Variants in NALCN observed in about 807,000 individuals in gnomAD.
NALCN encodes the protein sodium leak channel, non-selective.
In NALCN, 111 loss-of-function variants were observed where a neutral mutation model predicts 225.3. That is an observed-to-expected ratio of 0.49 (90% CI 0.42 to 0.58). The LOEUF is 0.58. Among genes scored for constraint, NALCN ranks in the 20% least tolerant of loss-of-function variants. The probability of loss-of-function intolerance (pLI) is 0.00; values close to 1 mark genes in which losing one functional copy is unlikely to be tolerated. For synonymous variants in NALCN, 764 were observed against 769.0 expected (o/e 0.99, Z 0.11); for missense variants, 1,378 against 2,202.4 (o/e 0.63, Z 7.49).
At chr13:101,397,762 TA>T (rs1404812364) in intron 2 of NALCN, among the ~76,000 whole-genome samples, 1 of 151,982 alleles carries the variant, frequency 6.6e-6, no homozygotes, top group East Asian at 1.9e-4. Context: ...ATGATGCATA[TA>T]AAAATACAGT....
chr13:101,187,050 GC>G (rs200884089), intron 14 of NALCN, among the ~76,000 whole-genome samples: 25 of 151,570 alleles, frequency 1.6e-4, no homozygotes, highest in East Asian at 1.4e-3. Context: ...AATACAGTAG[GC>G]CCCCCCCTTA....
intron 7 of NALCN, among the ~76,000 whole-genome samples, chr13:101,310,981 C>T (rs2044321294): frequency 6.6e-6 from 1 of 151,966 alleles, no homozygotes; most frequent in Non-Finnish European, 1.5e-5. Flanking sequence ...ATTGATTCTT[C>T]CTACCCATGA....
chr13:101,304,078 T>C (rs2044067947), intron 7 of NALCN, among the ~76,000 whole-genome samples: 1 of 152,284 alleles, frequency 6.6e-6, no homozygotes, highest in African/African-American at 2.4e-5. Flanking sequence ...TTTTGTAGAG[T>C]GTAGGTGTTC....
intron 13 of NALCN, among the ~76,000 whole-genome samples, chr13:101,205,887 T>G (rs2040294146): frequency 6.6e-6 from 1 of 152,118 alleles, no homozygotes; most frequent in Non-Finnish European, 1.5e-5. Context: ...AATGGAGGAT[T>G]AATTAAAAAT....
At chr13:101,268,057 CCT>C (rs748800907) in intron 10 of NALCN, among the ~76,000 whole-genome samples, 1 of 152,016 alleles carries the variant, frequency 6.6e-6, no homozygotes, top group Non-Finnish European at 1.5e-5. Context: ...CGAAAGTCTC[CCT>C]CTCTCTTTCC....
At chr13:101,056,629 C>A (rs1329095482) in intron 43 of NALCN, among the ~76,000 whole-genome samples, 1 of 152,126 alleles carries the variant, frequency 6.6e-6, no homozygotes, top group Non-Finnish European at 1.5e-5. Flanking sequence ...ACTGTGCATT[C>A]TCCCCAGGTC....
chr13:101,227,443 C>T lies in NALCN; in HGVS notation c.1626+1950G>A, dbSNP rs2041187841. On this transcript the variant is annotated intron_variant, in intron 13 of 43. Coordinates refer to ENST00000251127, the MANE Select transcript of NALCN (RefSeq NM_052867.4). Reference sequence around the variant, plus strand: ...GAGTGGCCAACCCAGAGATTGACTCCTTGTTGATGAGGAACATCTGAGTCC... The same window carrying T: ...GAGTGGCCAACCCAGAGATTGACTCTTTGTTGATGAGGAACATCTGAGTCC... 3.3e-5 allele frequency among the ~76,000 whole-genome samples: 5 copies of T among 152,098 alleles called. No individual in the cohort carries two copies. The South Asian group carries it at 1.0e-3, about 32-fold the overall frequency.
chr13:101,301,831 T>C (rs1386478610), intron 7 of NALCN, among the ~76,000 whole-genome samples: 1 of 152,020 alleles, frequency 6.6e-6, no homozygotes, highest in Non-Finnish European at 1.5e-5. Context: ...CTTACCTAGG[T>C]AACCTGTGTG....
chr13:101,360,216 CTCTCTCTCTCTCTCCT>C (rs1258088566), intron 6 of NALCN, among the ~76,000 whole-genome samples: 8 of 146,676 alleles, frequency 5.5e-5, no homozygotes, highest in Non-Finnish European at 7.5e-5. Context: ...CTCTCTCTCT[CTCTCTCTCTCTCTCCT>C]TCCTTCCTTC....
intron 14 of NALCN, among the ~76,000 whole-genome samples, chr13:101,189,017 A>G (rs1335894201): frequency 6.6e-6 from 1 of 152,088 alleles, no homozygotes; most frequent in African/African-American, 2.4e-5. Context: ...GGATGCATAT[A>G]TGTGTGGGAA....
At position 101,066,064 on chromosome 13, in the gene NALCN, GC is replaced by G. The variant is rs556394158; in HGVS notation, c.4447-504del. 8.6e-4 allele frequency among the ~76,000 whole-genome samples: 131 copies of G among 152,270 alleles called. No individual in the cohort carries two copies. The South Asian group carries it at 0.011, about 13-fold the overall frequency. ...TAAAAGATAACTCGTGTTGGATCAT[GC>G]CTGTAATCTCAGCACTTTGGGAGGC... On this transcript the variant is annotated intron_variant, in intron 39 of 43. Transcript: ENST00000251127.
chr13:101,149,351 C>T (rs1545489), intron 15 of NALCN, among the ~76,000 whole-genome samples: 115,989 of 151,782 alleles, frequency 0.76, 44,611 homozygotes, highest in East Asian at 1. Context: ...TATATTTTAT[C>T]GAATATCCTT....
chr13:101,170,162 G>C (rs886272954), intron 15 of NALCN, among the ~76,000 whole-genome samples: 2 of 152,186 alleles, frequency 1.3e-5, no homozygotes, highest in African/African-American at 4.8e-5. Flanking sequence ...TTTATTTTAA[G>C]GTATTGGCTC....
chr13:101,131,734 C>T (rs1434648927), intron 17 of NALCN, among the ~76,000 whole-genome samples: 2 of 152,094 alleles, frequency 1.3e-5, no homozygotes, highest in Admixed American at 6.5e-5. Flanking sequence ...TCAACACTTG[C>T]TTTTATTTAG....
In NALCN at chr13:101,089,047, G is replaced by A. The variant is rs1162182504; in HGVS notation, c.3489+616C>T. Among the ~76,000 whole-genome samples the A allele has an allele frequency of 4.0e-5, 6 of 151,852 alleles. No individual in the cohort carries two copies. In the East Asian group the frequency reaches 5.8e-4, roughly 15 times the overall value. ...CCAGTAGCTGGGATTACAGGCATGC[G>A]CCACCACGCCCGGCTAATTTTTGTA... is the stretch of plus-strand genomic sequence containing the variant. On this transcript the variant is annotated intron_variant, in intron 30 of 43. Transcript: ENST00000251127. This position sits in a 1 kb window ranked among gnomAD's most constrained non-coding sequence, Gnocchi z 4.7.
At chr13:101,145,012 T>C (rs2037278803) in intron 15 of NALCN, 116 bp from the exon 16 acceptor site, 4 of 1,211,990 alleles carry the variant, frequency 3.3e-6, no homozygotes, top group African/African-American at 3.1e-5. Context: ...TGCCAGTAGA[T>C]GGCAGCAAAG....
intron 11 of NALCN, among the ~76,000 whole-genome samples, chr13:101,256,765 CT>C (rs59036479): frequency 8.9e-4 from 119 of 133,490 alleles, no homozygotes; most frequent in African/African-American, 2.5e-3. Context: ...CTTCTTTCTG[CT>C]TTTTTTTTTT....
At chr13:101,184,059 C>T (rs1281643623) in intron 14 of NALCN, among the ~76,000 whole-genome samples, 1 of 152,122 alleles carries the variant, frequency 6.6e-6, no homozygotes, top group African/African-American at 2.4e-5. Flanking sequence ...TGTATGTATC[C>T]ACTTTTTAAT....
intron 6 of NALCN, among the ~76,000 whole-genome samples, chr13:101,359,003 T>A (rs1284993304): frequency 1.3e-5 from 2 of 150,154 alleles, no homozygotes; most frequent in Non-Finnish European, 3.0e-5. Flanking sequence ...AATGAGAACA[T>A]ACAACACATA....
Sources: allele counts gnomAD v4.1 joint callset (sites outside exome capture counted in the v4.1 genomes callset), GRCh38; gene constraint gnomAD v4.1.1; non-coding constraint Gnocchi (gnomAD v3.1); transcripts MANE v1.5; gene names NCBI Gene and HGNC (gene_info 2026-07-23, HGNC 2026-07-21).